SMIM8: variants seen among roughly 807,000 people sequenced by gnomAD.
The protein encoded by SMIM8 is UPF0708 protein C6orf162.
Under a neutral mutation model 8.1 loss-of-function variants are expected in SMIM8, and 8 were observed. The observed-to-expected ratio is 0.99, with a 90% CI of 0.58 to 1.78. The LOEUF (loss-of-function observed/expected upper bound fraction) is 1.78. SMIM8 is among the 40% of genes most tolerant of loss of function. The pLI is 0.00. For synonymous variants in SMIM8, 45 were observed against 39.7 expected, an observed-to-expected ratio of 1.13 and a Z score of -0.50; for missense variants, 126 against 119.8, an observed-to-expected ratio of 1.05 and a Z score of -0.24.
chr6:87,335,855 A>G (rs1777103858), intron 2 of SMIM8, among the ~76,000 whole-genome samples: 1 of 147,860 alleles, frequency 6.8e-6, no homozygotes, highest in African/African-American at 2.5e-5. Context: ...CAAAAAAAAA[A>G]AAAAAAAAAA....
At chr6:87,335,987 C>T (rs776436615) in intron 2 of SMIM8, among the ~76,000 whole-genome samples, 4 of 151,742 alleles carry the variant, frequency 2.6e-5, no homozygotes, top group African/African-American at 7.3e-5. Context: ...CGCCACTGCA[C>T]GTGCATTCCA....
chr6:87,340,376 C>A lies in SMIM8; in HGVS notation c.*102C>A. Reference sequence around the variant, plus strand: ...ATCATGTTTCTTGTTCTAGAACATGCTAATGAAGAGAGAAGATAGCAGTTG... The same window carrying A: ...ATCATGTTTCTTGTTCTAGAACATGATAATGAAGAGAGAAGATAGCAGTTG... On this transcript the variant is annotated 3_prime_UTR_variant, in exon 4 of 4. Transcript: ENST00000392863. The A allele has an allele frequency of 8.5e-7, 1 of 1,181,150 alleles. No homozygotes were observed. Among genetic ancestry groups the A allele is most frequent in the Non-Finnish European group, 1.1e-6 (1 of 913,940 alleles). The allele number at this position is 1,181,150 out of a possible 1,614,324, so 73.2% of individuals were successfully genotyped here. A position where few individuals can be genotyped will look rare whatever the true frequency, so the allele number is the denominator to read the frequency against.
Position 87,333,967 on chromosome 6 carries a change from G to C in SMIM8, c.-23-3042G>C, listed in dbSNP as rs527847399. On this transcript the variant is annotated intron_variant, in intron 2 of 3. Transcript: ENST00000392863. ...AAGCATGGTGCCAGCATCTGCCCCT[G>C]GTGAGGGCTTCAGGAAGCTTTCAGT... Among the ~76,000 whole-genome samples the C allele has an allele frequency of 7.2e-5, 11 of 152,324 alleles. No homozygotes were observed. The East Asian group carries it at 2.1e-3, about 29-fold the overall frequency.
rs549872339 is a variant in SMIM8 at position 87,324,975 on chromosome 6, A to G, written c.-45+2343A>G. 4.7e-3 allele frequency among the ~76,000 whole-genome samples: 712 copies of G among 152,122 alleles called. 5 individuals are homozygous for G. The highest frequency in any genetic ancestry group is 0.016 in the African/African-American group (664 of 41,472). On this transcript the variant is annotated intron_variant, in intron 1 of 3. Coordinates refer to ENST00000392863, the MANE Select transcript of SMIM8 (RefSeq NM_001042493.3). Reference sequence around the variant, plus strand: ...CAGTGGTTTGTAGTTCTCCTTGAAGAGGTCCTTCACATCCCTTGTAAGTTG... The same window carrying G: ...CAGTGGTTTGTAGTTCTCCTTGAAGGGGTCCTTCACATCCCTTGTAAGTTG...
intron 1 of SMIM8, chr6:87,329,043 G>A (rs1280628731): frequency 1.3e-5 from 2 of 152,876 alleles, no homozygotes; most frequent in African/African-American, 4.8e-5. Flanking sequence ...CCTTTTCTTT[G>A]ACTAGGAGAG....
At chr6:87,336,919 T>C (rs1298211766) in intron 2 of SMIM8, 90 bp from the exon 3 acceptor site, 1 of 1,107,310 alleles carries the variant, frequency 9.0e-7, no homozygotes, top group East Asian at 2.6e-5. Context: ...TGGGTTGGAA[T>C]TCAAAGAAGG....
At chr6:87,337,948 G>A (rs1777148936) in intron 3 of SMIM8, among the ~76,000 whole-genome samples, 2 of 152,100 alleles carry the variant, frequency 1.3e-5, no homozygotes, top group South Asian at 4.1e-4. Context: ...TTAAATAAAT[G>A]TAGATTCTAT....
intron 1 of SMIM8, among the ~76,000 whole-genome samples, chr6:87,324,692 G>A (rs1385287014): frequency 6.6e-6 from 1 of 151,580 alleles, no homozygotes; most frequent in Non-Finnish European, 1.5e-5. Flanking sequence ...ATACTTTGAA[G>A]TCAGGTAGTG....
In SMIM8 at chr6:87,332,343, A is replaced by AT. The variant is rs1491301788; in HGVS notation, c.-24+1631_-24+1632insT. On this transcript the variant is annotated intron_variant, in intron 2 of 3. Transcript: ENST00000392863. The stretch of plus-strand genomic sequence containing the variant: ...CCCATATATGTATATATATATATAT[A>AT]AATGACAGCAGATCCCTTCTGAATA... 2.8e-3 allele frequency among the ~76,000 whole-genome samples: 405 copies of AT among 145,724 alleles called. 3 individuals carry two copies. Among genetic ancestry groups the AT allele is most frequent in the Admixed American group, 4.9e-3 (72 of 14,678 alleles).
intron 3 of SMIM8, among the ~76,000 whole-genome samples, chr6:87,338,665 G>A (rs1022512367): frequency 1.3e-5 from 2 of 152,020 alleles, no homozygotes; most frequent in Non-Finnish European, 2.9e-5. Context: ...AATTTAAAGG[G>A]GGCTCACATT....
Position 87,329,485 on chromosome 6 carries a change from C to T in SMIM8, c.-44-1207C>T, listed in dbSNP as rs116406933. Among the ~76,000 whole-genome samples, 498 of 152,178 alleles carry T rather than the reference C, an allele frequency of 3.3e-3. 2 individuals are homozygous for T. Among genetic ancestry groups the T allele is most frequent in the African/African-American group, 0.012 (480 of 41,522 alleles). On this transcript the variant is annotated intron_variant, in intron 1 of 3. Coordinates refer to ENST00000392863, the MANE Select transcript of SMIM8 (RefSeq NM_001042493.3). ...AGACGGGGTTTCACCATATTGGCTA[C>T]GCTAGTTTCAAACTCCTGACCTCAA...
chr6:87,323,255 CTTTTG>C (rs1423851763), intron 1 of SMIM8, among the ~76,000 whole-genome samples: 22 of 138,614 alleles, frequency 1.6e-4, no homozygotes, highest in South Asian at 1.2e-3. Context: ...TGGAAAGATA[CTTTTG>C]TTTTGTTTTG....
intron 1 of SMIM8, chr6:87,329,297 C>CA (rs1032553471): frequency 7.8e-5 from 12 of 153,030 alleles, no homozygotes. Flanking sequence ...TGTTTTTAGA[C>CA]AGAGTTTCGC....
intron 2 of SMIM8, among the ~76,000 whole-genome samples, chr6:87,334,843 T>C (rs1282587732): frequency 6.6e-6 from 1 of 152,168 alleles, no homozygotes; most frequent in Non-Finnish European, 1.5e-5. Context: ...ACTGAATAGC[T>C]GATAAAGATT....
chr6:87,323,644 T>G (rs1308142216), intron 1 of SMIM8, among the ~76,000 whole-genome samples: 13 of 152,174 alleles, frequency 8.5e-5, no homozygotes, highest in Non-Finnish European at 2.9e-5. Context: ...ATGGTGTATA[T>G]GTGCCACATT....
chr6:87,328,519 T>G (rs1023941909), intron 1 of SMIM8, among the ~76,000 whole-genome samples: 1 of 151,624 alleles, frequency 6.6e-6, no homozygotes, highest in Admixed American at 6.6e-5. Flanking sequence ...CCGTGTGAGG[T>G]ATCAGTCTGC....
chr6:87,337,273 G>A (rs1363758343), intron 3 of SMIM8, 107 bp downstream of exon 3: 2 of 1,259,456 alleles, frequency 1.6e-6, no homozygotes, highest in African/African-American at 1.5e-5. Flanking sequence ...ATGTTGACAA[G>A]TAAGACCTCT....
intron 2 of SMIM8, among the ~76,000 whole-genome samples, chr6:87,332,520 TTA>T (rs1221573095): frequency 6.7e-6 from 1 of 148,804 alleles, no homozygotes; most frequent in Non-Finnish European, 1.5e-5. Context: ...ATATAATTTA[TTA>T]TGTTAATAAA....
chr6:87,340,697 C>T lies in SMIM8; in HGVS notation c.*423C>T, dbSNP rs1205251930. 6.5e-6 allele frequency: 1 copy of T among 152,796 alleles called. No homozygotes were observed. The highest frequency in any genetic ancestry group is 1.5e-5 in the Non-Finnish European group (1 of 68,614). The allele number at this position is 152,796 out of a possible 1,614,324, so 9.5% of individuals were successfully genotyped here. A position where few individuals can be genotyped will look rare whatever the true frequency, so the allele number is the denominator to read the frequency against. On this transcript the variant is annotated 3_prime_UTR_variant, in exon 4 of 4. Coordinates refer to ENST00000392863, the MANE Select transcript of SMIM8 (RefSeq NM_001042493.3). ...TGTTCATGTTCTCCCTGGCATAGAA[C>T]CTATATTTTTAAAGAAAGATAAATA...
Sources: gnomAD v4.1 joint callset for allele counts (sites outside exome capture counted in the v4.1 genomes callset) on GRCh38, gnomAD v4.1.1 for gene constraint, MANE v1.5 for transcripts, NCBI Gene and HGNC (gene_info 2026-07-23, HGNC 2026-07-21) for gene names.